XPO6: variants seen among roughly 807,000 people sequenced by gnomAD.
The protein encoded by XPO6 is exportin 6.
XPO6 carries 3 observed loss-of-function variants against 130.0 expected under a neutral mutation model. The observed-to-expected ratio is 0.02, with a 90% CI of 0.01 to 0.06. The LOEUF (loss-of-function observed/expected upper bound fraction) is 0.06. Among genes scored for constraint, XPO6 ranks in the 10% least tolerant of loss-of-function variants. The pLI, the probability that XPO6 is intolerant of heterozygous loss-of-function variation, is 1.00. For missense variants in XPO6, 970 were observed against 1,393.0 expected, an observed-to-expected ratio of 0.70 and a Z score of 4.83; for synonymous variants, 524 against 548.9, an observed-to-expected ratio of 0.95 and a Z score of 0.63.
In XPO6 at chr16:28,147,945, C is replaced by CA. The variant is rs1009636359; in HGVS notation, c.1225-1743dup. Among the ~76,000 whole-genome samples, 8 of 150,974 alleles carry CA rather than the reference C, an allele frequency of 5.3e-5. No individual in the cohort carries two copies. In the South Asian group the frequency reaches 8.4e-4, roughly 16 times the overall value. ...TGGACAACAGAGCAAGACCCTGTCT[C>CA]AAAAAAAAAGAAGAAATGATATGAG... On this transcript the variant is annotated intron_variant, in intron 8 of 23. Coordinates refer to ENST00000304658, the MANE Select transcript of XPO6 (RefSeq NM_015171.4).
Position 28,211,948 on chromosome 16 carries a change from C to G in XPO6, c.-580G>C, listed in dbSNP as rs1784883193. ...CCGCGCGGCCGCCCCCGACCAACAG[C>G]CCCAACGCGCCGGAAGTGGCGAGCG... On this transcript the variant is annotated 5_prime_UTR_variant, in exon 1 of 24. Transcript: ENST00000304658. 1 of 152,288 alleles carries G rather than the reference C, an allele frequency of 6.6e-6. No homozygotes were observed. The highest frequency in any genetic ancestry group is 2.1e-4 in the South Asian group (1 of 4,836). 9.4% of individuals were successfully genotyped at this position (152,288 alleles called of 1,614,324 possible).
At chr16:28,140,013 CCT>C (rs2042857218) in intron 9 of XPO6, among the ~76,000 whole-genome samples, 1 of 152,122 alleles carries the variant, frequency 6.6e-6, no homozygotes, top group Non-Finnish European at 1.5e-5. Context: ...AGGCGGATCA[CCT>C]GAGGTCAGGA....
rs753740553 is a variant in XPO6 at position 28,109,794 on chromosome 16, A to G, written c.2341+2023T>C. On this transcript the variant is annotated intron_variant, in intron 17 of 23. Transcript: ENST00000304658. ...AAGAACAATTTGGTAACAACTGGGG[A>G]AAGTGTTAATATGGCTACATTTTAA... 1.3e-5 allele frequency among the ~76,000 whole-genome samples: 2 copies of G among 152,358 alleles called. 1 individual carries two copies. The highest frequency in any genetic ancestry group is 4.1e-4 in the South Asian group (2 of 4,826).
At chr16:28,185,767 C>T (rs1207021455) in intron 1 of XPO6, among the ~76,000 whole-genome samples, 2 of 152,130 alleles carry the variant, frequency 1.3e-5, no homozygotes, top group Non-Finnish European at 2.9e-5. Context: ...CCCCATAAGC[C>T]TATGCTTCCC....
At chr16:28,146,719 C>G (rs556226654) in intron 8 of XPO6, among the ~76,000 whole-genome samples, 56 of 152,312 alleles carry the variant, frequency 3.7e-4, no homozygotes, top group African/African-American at 1.3e-3. Flanking sequence ...AGTCTTCCTA[C>G]AGAACAGACT....
At chr16:28,191,644 CA>C (rs1279229874) in intron 1 of XPO6, among the ~76,000 whole-genome samples, 1 of 152,202 alleles carries the variant, frequency 6.6e-6, no homozygotes, top group African/African-American at 2.4e-5. Flanking sequence ...CAAGTGAAGA[CA>C]GGGGCAGGCC....
chr16:28,100,464 A>AC (rs2086632538), intron 23 of XPO6, among the ~76,000 whole-genome samples: 1 of 152,196 alleles, frequency 6.6e-6, no homozygotes, highest in South Asian at 2.1e-4. Flanking sequence ...GAAAAGGAAG[A>AC]CCCCAAGACA....
Position 28,150,262 on chromosome 16 carries a change from C to T in XPO6, c.1224+2397G>A, listed in dbSNP as rs976878032. On this transcript the variant is annotated intron_variant, in intron 8 of 23. Transcript: ENST00000304658. ...GACAGGAGAGCAGAAAGGAGCTCAT[C>T]TGACGATTCCAGGTACAGAGAGGAG... 2.0e-5 allele frequency among the ~76,000 whole-genome samples: 3 copies of T among 152,188 alleles called. No homozygotes were observed. The South Asian group carries it at 6.2e-4, about 32-fold the overall frequency.
rs1479025315 is a variant in XPO6 at position 28,169,798 on chromosome 16, G to A, written c.517C>T (p.Arg173Trp). The change falls in exon 5 of 24, where the codon CGG (arginine) becomes TGG (tryptophan). Residue 173 changes from arginine (R) to tryptophan (W), a missense_variant. By Grantham distance (101) the Arg-to-Trp change is moderately radical. Transcript: ENST00000304658. ...DLSVARKEEL[R>W]KLLLDQVQTV... ...TGCACCTGGTCCAGTAGCAGCTTCC[G>A]CAACTCCTCCTTCCGAGCCACACTG... The A allele has an allele frequency of 3.1e-6, 5 of 1,614,030 alleles. No homozygotes were observed. Among genetic ancestry groups the A allele is most frequent in the Non-Finnish European group, 3.4e-6 (4 of 1,179,994 alleles).
intron 1 of XPO6, among the ~76,000 whole-genome samples, chr16:28,196,626 A>G (rs537608133): frequency 2.0e-5 from 3 of 152,306 alleles, no homozygotes; most frequent in East Asian, 3.9e-4. Flanking sequence ...TTGATCCCCA[A>G]TGTTGGAAGC....
At position 28,132,647 on chromosome 16, in the gene XPO6, C is replaced by CT. The variant is rs1396884717; in HGVS notation, c.1537-245dup. Reference sequence around the variant, plus strand: ...AGAAAGAAAACGTATTAGTTCAACCCTTTTTTTAAAAAAAAAAAAAAAGCA... The same window carrying CT: ...AGAAAGAAAACGTATTAGTTCAACCCTTTTTTTTAAAAAAAAAAAAAAAGCA... On this transcript the variant is annotated intron_variant, in intron 11 of 23. Coordinates refer to ENST00000304658, the MANE Select transcript of XPO6 (RefSeq NM_015171.4). The surrounding 1 kb of genome is among the most constrained non-coding windows in gnomAD (Gnocchi z 4.0). Among the ~76,000 whole-genome samples, 126 of 134,582 alleles carry CT rather than the reference C, an allele frequency of 9.4e-4. No homozygotes were observed. The highest frequency in any genetic ancestry group is 3.8e-3 in the Middle Eastern group (1 of 266). The allele number at this position is 134,582 out of a possible 152,430, so 88.3% of individuals were successfully genotyped here.
At chr16:28,167,270 C>G in intron 5 of XPO6, 4 of 985,452 alleles carry the variant, frequency 4.1e-6, no homozygotes, top group Non-Finnish European at 4.8e-6. Context: ...GACAATGCTA[C>G]GTGCATATCC....
chr16:28,156,651 T>C, intron 6 of XPO6, 124 bp from the exon 7 acceptor site: 1 of 572,648 alleles, frequency 1.7e-6, no homozygotes, highest in Non-Finnish European at 2.6e-6. Flanking sequence ...TAGTTACCTA[T>C]GAAATAAAAA....
intron 1 of XPO6, among the ~76,000 whole-genome samples, chr16:28,187,257 T>A (rs2043710300): frequency 6.6e-6 from 1 of 152,220 alleles, no homozygotes; most frequent in Non-Finnish European, 1.5e-5. Flanking sequence ...CTTCTGAGAC[T>A]GCAATTTATA....
intron 1 of XPO6, among the ~76,000 whole-genome samples, chr16:28,191,927 A>G (rs562622034): frequency 6.6e-6 from 1 of 152,264 alleles, no homozygotes; most frequent in South Asian, 2.1e-4. Context: ...AACCACCTTC[A>G]TCCTGAATTA....
intron 9 of XPO6, among the ~76,000 whole-genome samples, chr16:28,136,250 T>C (rs2042773064): frequency 6.6e-6 from 1 of 152,184 alleles, no homozygotes; most frequent in Non-Finnish European, 1.5e-5. Flanking sequence ...AGACAGAGTC[T>C]CCTCTGTCAC....
intron 1 of XPO6, 125 bp downstream of exon 1, chr16:28,211,241 G>C (rs1200859857): frequency 3.4e-5 from 35 of 1,031,310 alleles, no homozygotes; most frequent in Non-Finnish European, 4.3e-5. Flanking sequence ...ATGTGTCACC[G>C]GCCAGGCTCC....
Position 28,106,429 on chromosome 16 carries a change from G to A in XPO6, c.2566C>T (p.Pro856Ser), listed in dbSNP as rs1271032960. ...FRGLRVQMGV[P>S]FTEQIIQTFL... ...GTCTGTATGATTTGCTCAGTGAAAG[G>A]CACACCCATCTGTACTCTAAGGCCT... is the stretch of plus-strand genomic sequence containing the variant. Residue 856 changes from proline to serine, a missense_variant, in exon 19 of 24, where the codon CCT becomes TCT. By Grantham distance (74) the Pro-to-Ser change is moderately conservative. Around this residue, in one of 4 missense-constraint regions of XPO6, gnomAD observed 936 missense variants for 1,306.8 expected, o/e 0.72. Transcript: ENST00000304658. The surrounding 1 kb of genome is among the most constrained non-coding windows in gnomAD (Gnocchi z 4.2). The A allele has an allele frequency of 6.2e-7, 1 of 1,614,192 alleles. No individual in the cohort carries two copies. Among genetic ancestry groups the A allele is most frequent in the South Asian group, 1.1e-5 (1 of 91,084 alleles).
intron 9 of XPO6, among the ~76,000 whole-genome samples, chr16:28,145,018 G>T (rs575477085): frequency 6.6e-6 from 1 of 152,284 alleles, no homozygotes; most frequent in African/African-American, 2.4e-5. Context: ...ACTGTGCAAA[G>T]AAGTAGGAGC....
Sources: allele counts gnomAD v4.1 joint callset (sites outside exome capture counted in the v4.1 genomes callset), GRCh38; gene constraint gnomAD v4.1.1; regional missense constraint gnomAD v4.1.1; non-coding constraint Gnocchi (gnomAD v3.1); transcripts MANE v1.5; gene names NCBI Gene and HGNC (gene_info 2026-07-23, HGNC 2026-07-21).